Variants in PRR5L observed in about 807,000 individuals in gnomAD.
The protein encoded by PRR5L is proline rich 5 like.
A neutral mutation model predicts 36.4 loss-of-function variants in PRR5L; 21 were observed. That is an observed-to-expected ratio of 0.58 (90% CI 0.41 to 0.83). The LOEUF (loss-of-function observed/expected upper bound fraction) is 0.83. Ranked by LOEUF, PRR5L falls within the 40% of genes least tolerant of loss-of-function variation. PRR5L has a pLI of 0.00. For missense variants in PRR5L, 381 were observed against 473.3 expected (o/e 0.80, Z 1.81); for synonymous variants, 188 against 197.0 (o/e 0.95, Z 0.38).
At chr11:36,316,358 CAG>C (rs1469712404) in intron 1 of PRR5L, among the ~76,000 whole-genome samples, 3 of 152,240 alleles carry the variant, frequency 2.0e-5, no homozygotes, top group African/African-American at 7.2e-5. Context: ...TTTATCAAGA[CAG>C]GGGAATTGCA....
intron 1 of PRR5L, among the ~76,000 whole-genome samples, chr11:36,328,601 G>C (rs1037984545): frequency 7.4e-4 from 113 of 152,270 alleles, no homozygotes; most frequent in African/African-American, 2.7e-3. Context: ...GGAACCATGA[G>C]CCAATCAGAT....
chr11:36,393,280 C>T (rs887771918), intron 1 of PRR5L, among the ~76,000 whole-genome samples: 2 of 152,062 alleles, frequency 1.3e-5, no homozygotes, highest in African/African-American at 4.8e-5. Flanking sequence ...GGAGAGTTTC[C>T]CTAATGCTTT....
chr11:36,365,252 C>T (rs1409384614), intron 1 of PRR5L, among the ~76,000 whole-genome samples: 1 of 149,144 alleles, frequency 6.7e-6, no homozygotes, highest in Non-Finnish European at 1.5e-5. Context: ...TGAAGCAGGG[C>T]TTTTTTTTTT....
At chr11:36,320,279 T>C (rs1276879587) in intron 1 of PRR5L, among the ~76,000 whole-genome samples, 1 of 147,318 alleles carries the variant, frequency 6.8e-6, no homozygotes, top group Non-Finnish European at 1.5e-5. Flanking sequence ...AGTCTCACTC[T>C]GTCGTCCAGG....
intron 8 of PRR5L, among the ~76,000 whole-genome samples, chr11:36,458,887 G>C (rs545981448): frequency 1.6e-4 from 24 of 152,350 alleles, no homozygotes; most frequent in African/African-American, 5.8e-4. Context: ...GCATTGTCCT[G>C]CCTGGCTGGC....
chr11:36,443,739 C>T (rs184748140), intron 6 of PRR5L, among the ~76,000 whole-genome samples: 3 of 152,278 alleles, frequency 2.0e-5, no homozygotes, highest in African/African-American at 4.8e-5. Flanking sequence ...GTTTTTCCCA[C>T]GTCATGGGCT....
chr11:36,337,570 A>C (rs1308469518), intron 1 of PRR5L, among the ~76,000 whole-genome samples: 1 of 152,204 alleles, frequency 6.6e-6, no homozygotes, highest in Non-Finnish European at 1.5e-5. Flanking sequence ...GAATGGTTTT[A>C]CCTCCAAACA....
At chr11:36,354,859 A>G (rs1857009741) in intron 1 of PRR5L, among the ~76,000 whole-genome samples, 1 of 152,228 alleles carries the variant, frequency 6.6e-6, no homozygotes, top group Admixed American at 6.5e-5. Context: ...AGGGGCAAGG[A>G]AAAGTGAAGA....
chr11:36,324,294 A>AAT (rs1171114233), intron 1 of PRR5L, among the ~76,000 whole-genome samples: 19 of 152,218 alleles, frequency 1.2e-4, no homozygotes, highest in African/African-American at 4.6e-4. Flanking sequence ...AGACCCAAAA[A>AAT]ATATATACTG....
chr11:36,417,782 A>G (rs1031738739), intron 3 of PRR5L, among the ~76,000 whole-genome samples: 2 of 152,184 alleles, frequency 1.3e-5, no homozygotes, highest in East Asian at 1.9e-4. Context: ...CTTCAGTGAC[A>G]TGAGTGAACG....
At chr11:36,422,959 A>G (rs1858301206) in intron 4 of PRR5L, among the ~76,000 whole-genome samples, 2 of 152,158 alleles carry the variant, frequency 1.3e-5, no homozygotes, top group African/African-American at 4.8e-5. Flanking sequence ...GGATTTTCCT[A>G]TTTACCTCAT....
In PRR5L at chr11:36,306,146, C is replaced by T. The variant is rs533221282; in HGVS notation, c.-126+9708C>T. 1.3e-4 allele frequency among the ~76,000 whole-genome samples: 20 copies of T among 152,152 alleles called. No individual in the cohort carries two copies. In the South Asian group the frequency reaches 1.7e-3, roughly 13 times the overall value. ...TAAGTTCTAGGGTACATGTGCACAACGCGCAGGTTTGATACATAGGTATAC... is the reference window on the plus strand; with the variant it reads ...TAAGTTCTAGGGTACATGTGCACAATGCGCAGGTTTGATACATAGGTATAC... On this transcript the variant is annotated intron_variant, in intron 1 of 8. Transcript: ENST00000530639.
At chr11:36,401,825 TAG>T (rs1308270185) in intron 2 of PRR5L, among the ~76,000 whole-genome samples, 2 of 152,228 alleles carry the variant, frequency 1.3e-5, no homozygotes, top group African/African-American at 2.4e-5. Context: ...TCTGGCCTGT[TAG>T]AGTCAGTTTA....
rs1241111384 is a variant in PRR5L at position 36,395,617 on chromosome 11, A to G, written c.-125-5380A>G. ...TTATGTGAATGCTTATGTTTGTTAT[A>G]ATAAATGACCAAGTATGCTATTATC... is the stretch of plus-strand genomic sequence containing the variant. On this transcript the variant is annotated intron_variant, in intron 1 of 8. Transcript: ENST00000530639. Among the ~76,000 whole-genome samples, 4 of 152,260 alleles carry G rather than the reference A, an allele frequency of 2.6e-5. No individual in the cohort carries two copies. In the East Asian group the frequency reaches 7.7e-4, roughly 29 times the overall value.
intron 8 of PRR5L, among the ~76,000 whole-genome samples, chr11:36,459,388 G>A (rs538534378): frequency 1.4e-4 from 21 of 152,314 alleles, no homozygotes; most frequent in African/African-American, 5.1e-4. Flanking sequence ...CTGGGGTGCT[G>A]CTGTCAGATT....
At chr11:36,308,248 C>T (rs1289985560) in intron 1 of PRR5L, among the ~76,000 whole-genome samples, 2 of 152,232 alleles carry the variant, frequency 1.3e-5, no homozygotes, top group South Asian at 4.1e-4. Flanking sequence ...CTGTGCCATT[C>T]TGTGTCTTTG....
chr11:36,462,795 T>C lies in PRR5L; in HGVS notation c.*59T>C, dbSNP rs954026090. On this transcript the variant is annotated 3_prime_UTR_variant, in exon 9 of 9. Coordinates refer to ENST00000530639, the MANE Select transcript of PRR5L (RefSeq NM_001160167.2). ...TGCAACCAGGATGAGGACCCCTCCA[T>C]CTCCGTGGATTACTGAGGGGGGCTC... 1.6e-5 allele frequency: 23 copies of C among 1,448,954 alleles called. No homozygotes were observed. Among genetic ancestry groups the C allele is most frequent in the Non-Finnish European group, 2.1e-5 (23 of 1,082,484 alleles). 89.8% of individuals were successfully genotyped at this position (1,448,954 alleles called of 1,614,324 possible). A position where few individuals can be genotyped will look rare whatever the true frequency, so the allele number is the denominator to read the frequency against.
chr11:36,317,222 A>C (rs1028363218), intron 1 of PRR5L, among the ~76,000 whole-genome samples: 1 of 152,250 alleles, frequency 6.6e-6, no homozygotes, highest in African/African-American at 2.4e-5. Context: ...GAGGGCAACC[A>C]GCTGGAGAGG....
At chr11:36,405,800 C>T (rs1857897842) in intron 3 of PRR5L, among the ~76,000 whole-genome samples, 1 of 152,118 alleles carries the variant, frequency 6.6e-6, no homozygotes, top group Non-Finnish European at 1.5e-5. Flanking sequence ...TGGTGATGGC[C>T]CTCTTCCCGA....
Sources: allele counts gnomAD v4.1 joint callset (sites outside exome capture counted in the v4.1 genomes callset), GRCh38; gene constraint gnomAD v4.1.1; transcripts MANE v1.5; gene names NCBI Gene and HGNC (gene_info 2026-07-23, HGNC 2026-07-21).